The following CACNA2D3 variants were observed in gnomAD, a reference collection of about 807,000 sequenced individuals.
CACNA2D3 encodes the protein voltage-dependent calcium channel subunit alpha-2/delta-3.
A neutral mutation model predicts 160.6 loss-of-function variants in CACNA2D3; 60 were observed. That is an observed-to-expected ratio of 0.37 (90% confidence interval 0.30 to 0.46). CACNA2D3 has a LOEUF of 0.46. CACNA2D3 is among the 20% of genes least tolerant of loss of function. The pLI is 1.00. For synonymous variants in CACNA2D3, 558 were observed against 492.9 expected (o/e 1.13, Z -1.75); for missense variants, 1,205 against 1,365.0 (o/e 0.88, Z 1.85).
At chr3:54,129,336 G>C (rs1246429997) in intron 2 of CACNA2D3, among the ~76,000 whole-genome samples, 1 of 152,154 alleles carries the variant, frequency 6.6e-6, no homozygotes, top group Non-Finnish European at 1.5e-5. Flanking sequence ...CTTGAAAATA[G>C]TCCAGTTCAT....
At chr3:54,987,815 C>G in intron 31 of CACNA2D3, 62 bp downstream of exon 31, 1 of 1,280,358 alleles carries the variant, frequency 7.8e-7, no homozygotes. Flanking sequence ...ATAAAACAAG[C>G]CAAGGTCAAA....
At chr3:54,677,627 G>GA (rs1700267726) in intron 11 of CACNA2D3, among the ~76,000 whole-genome samples, 2 of 148,370 alleles carry the variant, frequency 1.3e-5, no homozygotes, top group African/African-American at 5.0e-5. Flanking sequence ...TTTTGGGGGG[G>GA]GGGCAACGTA....
chr3:54,536,729 G>C (rs924041148), intron 5 of CACNA2D3, among the ~76,000 whole-genome samples: 1 of 152,180 alleles, frequency 6.6e-6, no homozygotes, highest in Non-Finnish European at 1.5e-5. Flanking sequence ...AGCCAAGAAT[G>C]GGGTGAGATG....
At chr3:54,743,565 A>G (rs1231428187) in intron 11 of CACNA2D3, among the ~76,000 whole-genome samples, 1 of 152,190 alleles carries the variant, frequency 6.6e-6, no homozygotes, top group Non-Finnish European at 1.5e-5. Flanking sequence ...TGTTTTATGA[A>G]CATAACCATT....
intron 2 of CACNA2D3, among the ~76,000 whole-genome samples, chr3:54,294,824 T>A (rs1357175467): frequency 6.6e-6 from 1 of 152,172 alleles, no homozygotes; most frequent in East Asian, 1.9e-4. Flanking sequence ...TGGTGATCAT[T>A]GGCTCTTGCC....
At chr3:54,879,145 AT>A (rs1699732611) in intron 19 of CACNA2D3, 56 bp downstream of exon 19, 4 of 1,193,314 alleles carry the variant, frequency 3.4e-6, no homozygotes, top group Non-Finnish European at 2.4e-6. Context: ...ACTGTGAAAA[AT>A]TAGCTTTGAA....
chr3:54,954,148 A>G (rs1235077704), intron 27 of CACNA2D3, among the ~76,000 whole-genome samples: 3 of 152,204 alleles, frequency 2.0e-5, no homozygotes, highest in African/African-American at 4.8e-5. Flanking sequence ...GTCATCATGC[A>G]GGCATTTCCT....
chr3:54,805,223 G>C (rs913220468), intron 13 of CACNA2D3, among the ~76,000 whole-genome samples: 3 of 152,270 alleles, frequency 2.0e-5, no homozygotes, highest in Admixed American at 2.0e-4. Context: ...GAAGGAAATA[G>C]AGACACAAAA....
chr3:54,536,084 G>A (rs1461756991), intron 5 of CACNA2D3, among the ~76,000 whole-genome samples: 2 of 152,258 alleles, frequency 1.3e-5, no homozygotes, highest in East Asian at 3.9e-4. Flanking sequence ...TAAAAATGTG[G>A]GCTTTCTACT....
At chr3:54,522,488 C>G (rs1276278232) in intron 5 of CACNA2D3, among the ~76,000 whole-genome samples, 1 of 152,124 alleles carries the variant, frequency 6.6e-6, no homozygotes, top group African/African-American at 2.4e-5. Flanking sequence ...AATTTTACTT[C>G]TTTCTTTCAA....
chr3:54,799,816 G>C (rs1252063873), intron 13 of CACNA2D3, among the ~76,000 whole-genome samples: 1 of 152,102 alleles, frequency 6.6e-6, no homozygotes, highest in Non-Finnish European at 1.5e-5. Context: ...TCCCATGTCT[G>C]TCCCAGGTGG....
intron 2 of CACNA2D3, among the ~76,000 whole-genome samples, chr3:54,200,979 G>C (rs1010291500): frequency 2.0e-5 from 3 of 152,174 alleles, no homozygotes; most frequent in Non-Finnish European, 4.4e-5. Flanking sequence ...GGTTTACTTA[G>C]AACTGCATTG....
chr3:54,949,424 A>G lies in CACNA2D3; in HGVS notation c.2450-19026A>G, dbSNP rs188575082. ...ATTATTCCAGCTCAGCTGGAGTTCA[A>G]ATTAGTTTGAGCCATCTATGAATCA... On this transcript the variant is annotated intron_variant, in intron 27 of 37. Coordinates refer to ENST00000474759, the MANE Select transcript of CACNA2D3 (RefSeq NM_018398.3). Among the ~76,000 whole-genome samples the G allele has an allele frequency of 1.8e-3, 277 of 152,268 alleles. 1 individual carries two copies. The highest frequency in any genetic ancestry group is 6.3e-3 in the African/African-American group (262 of 41,552).
chr3:54,919,814 A>T (rs17054553), intron 27 of CACNA2D3, among the ~76,000 whole-genome samples: 19,500 of 152,256 alleles, frequency 0.13, 1,278 homozygotes, highest in Middle Eastern at 0.16. Context: ...TCTTGTAGGT[A>T]ACTCTTGTCC....
rs1576964717 is a variant in CACNA2D3, at chr3:54,155,403, A to T, written c.204+31809A>T. Among the ~76,000 whole-genome samples, 3 of 152,250 alleles carry T rather than the reference A, an allele frequency of 2.0e-5. No homozygotes were observed. In the East Asian group the frequency reaches 5.8e-4, roughly 29 times the overall value. Reference sequence around the variant, plus strand: ...TGTCTGGTGGCTGCAGAAAGGGAGGAGAGGGTGAGGATGCACCATCTTTAC... The same window carrying T: ...TGTCTGGTGGCTGCAGAAAGGGAGGTGAGGGTGAGGATGCACCATCTTTAC... On this transcript the variant is annotated intron_variant, in intron 2 of 37. Transcript: ENST00000474759.
chr3:54,327,142 C>T (rs1403217717), intron 3 of CACNA2D3, among the ~76,000 whole-genome samples: 6 of 152,292 alleles, frequency 3.9e-5, no homozygotes, highest in Non-Finnish European at 8.8e-5. Flanking sequence ...GTGGGTTTCA[C>T]CCCAAATGGG....
intron 11 of CACNA2D3, among the ~76,000 whole-genome samples, chr3:54,661,199 G>A (rs1289441032): frequency 6.6e-6 from 1 of 152,146 alleles, no homozygotes; most frequent in African/African-American, 2.4e-5. Context: ...CAGCCTGGCT[G>A]GGGGACAAGT....
chr3:54,756,607 G>T (rs1474797664), intron 12 of CACNA2D3, among the ~76,000 whole-genome samples: 3 of 152,144 alleles, frequency 2.0e-5, no homozygotes, highest in Non-Finnish European at 4.4e-5. Context: ...GCAGACCCAA[G>T]GAGCGTCGAA....
At chr3:54,661,928 C>A (rs532681710) in intron 11 of CACNA2D3, among the ~76,000 whole-genome samples, 178 of 151,070 alleles carry the variant, frequency 1.2e-3, no homozygotes, top group African/African-American at 4.1e-3. Flanking sequence ...GAAATATCCC[C>A]CCTGGATCAC....
Sources: gnomAD v4.1 joint callset for allele counts (sites outside exome capture counted in the v4.1 genomes callset) on GRCh38, gnomAD v4.1.1 for gene constraint, MANE v1.5 for transcripts, NCBI Gene and HGNC (gene_info 2026-07-23, HGNC 2026-07-21) for gene names.